The following MACROD2 variants were observed in gnomAD, a reference collection of about 807,000 sequenced individuals.
MACROD2 encodes mono-ADP ribosylhydrolase 2.
In MACROD2, 36 loss-of-function variants were observed where a neutral mutation model predicts 70.4. That is an observed-to-expected ratio of 0.51 (90% CI 0.39 to 0.68). MACROD2 has a LOEUF of 0.68. Ranked by LOEUF, MACROD2 falls within the 30% of genes least tolerant of loss-of-function variation. The pLI, the probability that MACROD2 is intolerant of heterozygous loss-of-function variation, is 0.00. For missense variants in MACROD2, 496 were observed against 538.4 expected, an observed-to-expected ratio of 0.92 and a Z score of 0.78; for synonymous variants, 172 against 178.8, an observed-to-expected ratio of 0.96 and a Z score of 0.30.
intron 8 of MACROD2, among the ~76,000 whole-genome samples, chr20:15,815,415 T>G (rs1443482282): frequency 6.8e-6 from 1 of 147,490 alleles, no homozygotes; most frequent in African/African-American, 2.5e-5. Context: ...CAATAGTTCT[T>G]TTTTTTTTTA....
intron 8 of MACROD2, among the ~76,000 whole-genome samples, chr20:15,692,958 A>G (rs546361006): frequency 1.3e-5 from 2 of 152,122 alleles, no homozygotes; most frequent in South Asian, 4.2e-4. Context: ...ATGAGATTTG[A>G]TGGTTTAAAA....
At chr20:15,428,889 G>A (rs2046332241) in intron 6 of MACROD2, among the ~76,000 whole-genome samples, 3 of 152,096 alleles carry the variant, frequency 2.0e-5, no homozygotes, top group Non-Finnish European at 4.4e-5. Context: ...TCAATGCAGA[G>A]GTTGTCAAAC....
chr20:15,571,910 A>G (rs537648835), intron 8 of MACROD2, among the ~76,000 whole-genome samples: 17 of 152,268 alleles, frequency 1.1e-4, no homozygotes, highest in African/African-American at 4.1e-4. Context: ...TTTAACACTA[A>G]CATCACATTT....
intron 8 of MACROD2, among the ~76,000 whole-genome samples, chr20:15,579,382 G>T (rs1484956209): frequency 1.3e-5 from 2 of 152,130 alleles, no homozygotes; most frequent in African/African-American, 4.8e-5. Context: ...CATTTCAAGT[G>T]CTCAGAAGAA....
intron 5 of MACROD2, among the ~76,000 whole-genome samples, chr20:15,219,970 A>AT (rs1217933511): frequency 1.3e-5 from 2 of 151,724 alleles, no homozygotes; most frequent in African/African-American, 4.8e-5. Flanking sequence ...AAAAAAAAAA[A>AT]AAGGCAAAGG....
chr20:15,459,938 C>T (rs919756238), intron 7 of MACROD2, among the ~76,000 whole-genome samples: 4 of 152,006 alleles, frequency 2.6e-5, no homozygotes, highest in Non-Finnish European at 5.9e-5. Flanking sequence ...TAGTTTGTGA[C>T]CCAAAACTGG....
At chr20:15,832,635 T>C (rs945105577) in intron 8 of MACROD2, among the ~76,000 whole-genome samples, 4 of 152,198 alleles carry the variant, frequency 2.6e-5, no homozygotes, top group African/African-American at 9.7e-5. Context: ...CAGTTATTCA[T>C]GTTGTAACAG....
intron 8 of MACROD2, among the ~76,000 whole-genome samples, chr20:15,667,316 T>C (rs2049913034): frequency 6.6e-6 from 1 of 152,148 alleles, no homozygotes; most frequent in African/African-American, 2.4e-5. Flanking sequence ...GAGTAAAATC[T>C]CCCTGAGGCC....
At chr20:15,179,079 G>C (rs2076482340) in intron 5 of MACROD2, among the ~76,000 whole-genome samples, 1 of 152,152 alleles carries the variant, frequency 6.6e-6, no homozygotes, top group Admixed American at 6.5e-5. Context: ...CCTAGATTGA[G>C]CTAATCAGAA....
At chr20:14,508,910 T>C (rs1282470684) in intron 4 of MACROD2, among the ~76,000 whole-genome samples, 3 of 152,166 alleles carry the variant, frequency 2.0e-5, no homozygotes, top group African/African-American at 4.8e-5. Context: ...TTTTTGCTTA[T>C]AGCATTATAT....
chr20:15,235,045 C>T (rs1481673393), intron 6 of MACROD2, among the ~76,000 whole-genome samples: 1 of 151,892 alleles, frequency 6.6e-6, no homozygotes, highest in Non-Finnish European at 1.5e-5. Flanking sequence ...CTTCTAGCAC[C>T]AGTTAAAAGG....
At chr20:14,579,597 G>A (rs953951317) in intron 4 of MACROD2, among the ~76,000 whole-genome samples, 19 of 152,078 alleles carry the variant, frequency 1.2e-4, no homozygotes, top group Non-Finnish European at 2.1e-4. Context: ...ATCACATTTT[G>A]TTCTTAATAG....
At chr20:15,754,713 A>T (rs999643762) in intron 8 of MACROD2, among the ~76,000 whole-genome samples, 2 of 148,300 alleles carry the variant, frequency 1.3e-5, no homozygotes, top group Admixed American at 6.7e-5. Flanking sequence ...AGTGCCATCT[A>T]AACAGAACCC....
chr20:15,389,311 G>A (rs1257770588), intron 6 of MACROD2, among the ~76,000 whole-genome samples: 1 of 152,182 alleles, frequency 6.6e-6, no homozygotes. Flanking sequence ...TTAAAGATGA[G>A]AAGATCCAGG....
At chr20:14,450,183 CAAT>C (rs1405472638) in intron 3 of MACROD2, among the ~76,000 whole-genome samples, 1 of 152,012 alleles carries the variant, frequency 6.6e-6, no homozygotes, top group Admixed American at 6.6e-5. Flanking sequence ...ATTATTAATA[CAAT>C]GACAATATTA....
At chr20:15,054,867 T>G (rs112614352) in intron 5 of MACROD2, among the ~76,000 whole-genome samples, 43 of 151,572 alleles carry the variant, frequency 2.8e-4, no homozygotes, top group African/African-American at 1.0e-3. Context: ...CACTGCAACC[T>G]CCGTCTCCAG....
chr20:14,798,438 G>A (rs1368240118), intron 5 of MACROD2, among the ~76,000 whole-genome samples: 1 of 152,012 alleles, frequency 6.6e-6, no homozygotes, highest in Admixed American at 6.6e-5. Flanking sequence ...TGTAGCTGAA[G>A]TCTCTGCCAG....
chr20:15,885,957 T>G (rs2064817186), intron 10 of MACROD2, 146 bp downstream of exon 10: 1 of 947,012 alleles, frequency 1.1e-6, no homozygotes, highest in Non-Finnish European at 1.4e-6. Context: ...AAAGTAGTTG[T>G]TCTAACACTT....
At chr20:14,657,013 A>G (rs181022865) in intron 4 of MACROD2, among the ~76,000 whole-genome samples, 3 of 152,234 alleles carry the variant, frequency 2.0e-5, no homozygotes. Context: ...TCCCACACAT[A>G]CCTATGCACA....
Sources: gnomAD v4.1 joint callset for allele counts (sites outside exome capture counted in the v4.1 genomes callset) on GRCh38, gnomAD v4.1.1 for gene constraint, MANE v1.5 for transcripts, NCBI Gene and HGNC (gene_info 2026-07-23, HGNC 2026-07-21) for gene names.